The following GFRAL variants were observed in gnomAD, a reference collection of about 807,000 sequenced individuals.
GFRAL encodes the protein GDNF family receptor alpha like, also known as GDNF family receptor alpha-like.
Under a neutral mutation model 45.4 loss-of-function variants are expected in GFRAL, and 36 were observed. The ratio of observed to expected loss-of-function variants is 0.79; its 90% CI spans 0.61 to 1.05. The LOEUF is 1.05. Ranked by LOEUF, GFRAL falls within the 50% of genes least tolerant of loss-of-function variation. The pLI, the probability that GFRAL is intolerant of heterozygous loss-of-function variation, is 0.00. For synonymous variants in GFRAL, 166 were observed against 154.1 expected (o/e 1.08, Z -0.57); for missense variants, 507 against 467.5 (o/e 1.08, Z -0.78).
chr6:55,391,100 G>C (rs1377391215), intron 6 of GFRAL, among the ~76,000 whole-genome samples: 1 of 152,124 alleles, frequency 6.6e-6, no homozygotes, highest in East Asian at 1.9e-4. Flanking sequence ...AGTGCATCTA[G>C]TGGACGACTC....
chr6:55,400,595 C>A (rs1768883134), intron 8 of GFRAL, among the ~76,000 whole-genome samples: 1 of 152,006 alleles, frequency 6.6e-6, no homozygotes, highest in Admixed American at 6.6e-5. Context: ...CTGTTTGGAC[C>A]CAATCCCTCT....
At chr6:55,369,418 T>G (rs2127360234) in intron 6 of GFRAL, among the ~76,000 whole-genome samples, 1 of 152,340 alleles carries the variant, frequency 6.6e-6, no homozygotes, top group Admixed American at 6.5e-5. Context: ...TCGCTCAGGC[T>G]CGGAGCTGTA....
chr6:55,400,105 A>C (rs1231705144), intron 8 of GFRAL, among the ~76,000 whole-genome samples: 1 of 152,054 alleles, frequency 6.6e-6, no homozygotes, highest in Non-Finnish European at 1.5e-5. Flanking sequence ...TTTTCCACTT[A>C]TTTAGCATTT....
intron 5 of GFRAL, among the ~76,000 whole-genome samples, chr6:55,353,531 G>A (rs1205967587): frequency 3.9e-5 from 6 of 152,020 alleles, no homozygotes; most frequent in Non-Finnish European, 4.4e-5. Flanking sequence ...TCATGCAAAT[G>A]TGTCAGTTAT....
At chr6:55,335,804 T>C (rs1767882708) in intron 3 of GFRAL, among the ~76,000 whole-genome samples, 1 of 152,198 alleles carries the variant, frequency 6.6e-6, no homozygotes, top group Admixed American at 6.5e-5. Context: ...TTTATAGTCT[T>C]ACTATAGCTT....
Position 55,401,938 on chromosome 6 carries a change from T to A in GFRAL, c.*85T>A. 1 of 739,656 alleles carries A rather than the reference T, an allele frequency of 1.4e-6. No homozygotes were observed. Among genetic ancestry groups the A allele is most frequent in the Non-Finnish European group, 2.3e-6 (1 of 427,342 alleles). 45.8% of individuals were successfully genotyped at this position (739,656 alleles called of 1,614,324 possible). A position where few individuals can be genotyped will look rare whatever the true frequency, so the allele number is the denominator to read the frequency against. ...TTTTCTTCTCTCCTCTCCTCTCCTCTCTTCTCCTCTCCTCCCCTCCCCTCT... is the reference window on the plus strand; with the variant it reads ...TTTTCTTCTCTCCTCTCCTCTCCTCACTTCTCCTCTCCTCCCCTCCCCTCT... On this transcript the variant is annotated 3_prime_UTR_variant, in exon 9 of 9. Transcript: ENST00000340465.
In GFRAL at chr6:55,397,159, C is replaced by T. The variant is rs183856504; in HGVS notation, c.953-2021C>T. Among the ~76,000 whole-genome samples, 5 of 152,204 alleles carry T rather than the reference C, an allele frequency of 3.3e-5. No homozygotes were observed. The East Asian group carries it at 9.7e-4, about 29-fold the overall frequency. ...TCCAAAGTGCTGGTTTTACAGGCAT[C>T]AGCCACATTGGAGGTTTCTTAAATA... On this transcript the variant is annotated intron_variant, in intron 6 of 8. Transcript: ENST00000340465.
chr6:55,378,988 C>T (rs1768571018), intron 6 of GFRAL, among the ~76,000 whole-genome samples: 1 of 151,960 alleles, frequency 6.6e-6, no homozygotes, highest in Non-Finnish European at 1.5e-5. Context: ...TATTCTACTG[C>T]AGATGGAATG....
chr6:55,337,130 T>G (rs116231543), intron 3 of GFRAL, among the ~76,000 whole-genome samples: 1 of 152,120 alleles, frequency 6.6e-6, no homozygotes, highest in African/African-American at 2.4e-5. Flanking sequence ...TATATTTGTA[T>G]CCGTTAACCA....
chr6:55,333,840 A>G lies in GFRAL; in HGVS notation c.212A>G (p.Gln71Arg). 1 of 1,611,086 alleles carries G rather than the reference A, an allele frequency of 6.2e-7. No homozygotes were observed. The highest frequency in any genetic ancestry group is 2.2e-5 in the East Asian group (1 of 44,734). ...TCATCATACTGTAACCTGAGTATCC[A>G]GTACTTAGTGGAAAGCAATTTCCAA... Reference protein sequence around the residue: ...RNSSYCNLSIQYLVESNFQFK... With the variant: ...RNSSYCNLSIRYLVESNFQFK... Residue 71 changes from glutamine (Q) to arginine (R), a missense_variant, in exon 3 of 9, where the codon CAG (glutamine) becomes CGG (arginine). Gln to Arg is a conservative substitution (Grantham distance 43). Coordinates refer to ENST00000340465, the MANE Select transcript of GFRAL (RefSeq NM_207410.2).
chr6:55,370,335 T>C (rs1251885122), intron 6 of GFRAL, among the ~76,000 whole-genome samples: 1 of 152,098 alleles, frequency 6.6e-6, no homozygotes, highest in Non-Finnish European at 1.5e-5. Flanking sequence ...TTAAAAAAAA[T>C]CCAATCAATA....
At chr6:55,360,182 A>C (rs1409673300) in intron 6 of GFRAL, among the ~76,000 whole-genome samples, 1 of 151,928 alleles carries the variant, frequency 6.6e-6, no homozygotes, top group African/African-American at 2.4e-5. Flanking sequence ...TCATGTAATA[A>C]TTCAAAACCT....
chr6:55,397,797 C>G (rs11759398), intron 6 of GFRAL, among the ~76,000 whole-genome samples: 6,543 of 152,198 alleles, frequency 0.043, 203 homozygotes, highest in African/African-American at 0.074. Flanking sequence ...GGAACATTTG[C>G]TAATAAAGTC....
chr6:55,374,411 G>A lies in GFRAL; in HGVS notation c.952+15273G>A, dbSNP rs1380467003. On this transcript the variant is annotated intron_variant, in intron 6 of 8. Coordinates refer to ENST00000340465, the MANE Select transcript of GFRAL (RefSeq NM_207410.2). ...TAAGCTTTTTTTCATATGTTTGTTG[G>A]CCACATGAATGTCTTCTTTTGAGAA... Among the ~76,000 whole-genome samples, 5 of 151,964 alleles carry A rather than the reference G, an allele frequency of 3.3e-5. No homozygotes were observed. The East Asian group carries it at 9.7e-4, about 29-fold the overall frequency.
chr6:55,374,479 G>GTT (rs543359367), intron 6 of GFRAL, among the ~76,000 whole-genome samples: 1 of 151,560 alleles, frequency 6.6e-6, no homozygotes, highest in African/African-American at 2.4e-5. Flanking sequence ...AGTGTTGCTT[G>GTT]TTTTTTTTCT....
intron 6 of GFRAL, among the ~76,000 whole-genome samples, chr6:55,398,350 T>G (rs2127367580): frequency 6.6e-6 from 1 of 152,120 alleles, no homozygotes; most frequent in East Asian, 1.9e-4. Flanking sequence ...CTCATTTTTC[T>G]TACTGCCTCA....
intron 6 of GFRAL, among the ~76,000 whole-genome samples, chr6:55,367,818 G>C (rs142728878): frequency 0.013 from 2,049 of 152,238 alleles, 45 homozygotes; most frequent in African/African-American, 0.046. Context: ...TCCGCTCTTA[G>C]TCTGATGGCG....
intron 3 of GFRAL, among the ~76,000 whole-genome samples, chr6:55,344,076 C>T (rs946970235): frequency 3.9e-5 from 6 of 152,062 alleles, no homozygotes; most frequent in Admixed American, 3.3e-4. Context: ...AGTCCAGGAC[C>T]AGATGGATTC....
intron 3 of GFRAL, among the ~76,000 whole-genome samples, chr6:55,349,850 A>G (rs151149354): frequency 0.013 from 2,013 of 151,850 alleles, 25 homozygotes; most frequent in Non-Finnish European, 0.022. Context: ...TTAAGTCTTC[A>G]AGTAACTGAA....
Sources: gnomAD v4.1 joint callset for allele counts (sites outside exome capture counted in the v4.1 genomes callset) on GRCh38, gnomAD v4.1.1 for gene constraint, MANE v1.5 for transcripts, NCBI Gene and HGNC (gene_info 2026-07-23, HGNC 2026-07-21) for gene names.